KCNH1: variants seen among roughly 807,000 people sequenced by gnomAD.
KCNH1 encodes the protein potassium voltage-gated channel subfamily H member 1, also known as voltage-gated delayed rectifier potassium channel KCNH1.
In KCNH1, 27 loss-of-function variants were observed where a neutral mutation model predicts 69.2. That is an observed-to-expected ratio of 0.39 (90% CI 0.29 to 0.54). The LOEUF (loss-of-function observed/expected upper bound fraction) is 0.54, where lower values mean the gene tolerates loss of function less well. KCNH1 is among the 20% of genes least tolerant of loss of function. The pLI, the probability that KCNH1 is intolerant of heterozygous loss-of-function variation, is 0.68. For synonymous variants in KCNH1, 456 were observed against 487.7 expected (o/e 0.93, Z 0.86); for missense variants, 798 against 1,261.6 (o/e 0.63, Z 5.57).
rs1416982041 is a variant in KCNH1, at chr1:210,880,925, C to T, written c.1462+38715G>A. 2.0e-5 allele frequency among the ~76,000 whole-genome samples: 3 copies of T among 151,976 alleles called. No homozygotes were observed. The East Asian group carries it at 5.8e-4, about 29-fold the overall frequency. On this transcript the variant is annotated intron_variant, in intron 7 of 10. Transcript: ENST00000271751. The stretch of plus-strand genomic sequence containing the variant: ...AAAATGGGCCATACTTAATAGAGAC[C>T]TTATGAAGGACAATAAACAGATGGT...
intron 1 of KCNH1, among the ~76,000 whole-genome samples, chr1:211,126,103 G>A (rs1208341910): frequency 6.6e-6 from 1 of 152,212 alleles, no homozygotes; most frequent in African/African-American, 2.4e-5. Flanking sequence ...AGTGGCTCAC[G>A]CCTGTAATCC....
chr1:210,748,276 C>A (rs1683206800), intron 10 of KCNH1, among the ~76,000 whole-genome samples: 1 of 152,150 alleles, frequency 6.6e-6, no homozygotes, highest in African/African-American at 2.4e-5. Context: ...CCCCTTGATG[C>A]CCAACCCTGA....
chr1:211,114,956 G>A (rs904911447), intron 1 of KCNH1, among the ~76,000 whole-genome samples: 6 of 151,832 alleles, frequency 4.0e-5, no homozygotes, highest in Admixed American at 3.3e-4. Flanking sequence ...TTGGTTTTTT[G>A]TTTGTTTGTT....
rs968355200 is a variant in KCNH1, at chr1:211,133,419, T to G, written c.79+448A>C. 1 of 152,726 alleles carries G rather than the reference T, an allele frequency of 6.5e-6. No homozygotes were observed. Among genetic ancestry groups the G allele is most frequent in the Admixed American group, 6.5e-5 (1 of 15,286 alleles). The allele number at this position is 152,726 out of a possible 1,614,324, so 9.5% of individuals were successfully genotyped here. ...CTCCCATTCTGAGGCAGCGGGGACCTGGAGTTGCCCGTCTCTACTGCTGGC... is the reference window on the plus strand; with the variant it reads ...CTCCCATTCTGAGGCAGCGGGGACCGGGAGTTGCCCGTCTCTACTGCTGGC... On this transcript the variant is annotated intron_variant, in intron 1 of 10. Transcript: ENST00000271751. This position sits in a 1 kb window ranked among gnomAD's most constrained non-coding sequence, Gnocchi z 5.4.
intron 7 of KCNH1, among the ~76,000 whole-genome samples, chr1:210,917,505 C>A (rs185916899): frequency 7.3e-4 from 111 of 152,198 alleles, no homozygotes; most frequent in South Asian, 2.5e-3. Context: ...AACAAAAAAA[C>A]CCCCAACTAC....
chr1:210,981,103 G>T (rs976069547), intron 6 of KCNH1, among the ~76,000 whole-genome samples: 5 of 151,980 alleles, frequency 3.3e-5, no homozygotes, highest in African/African-American at 1.2e-4. Context: ...TCATGAAAGG[G>T]GATAACATGC....
At chr1:210,686,463 CTCTA>C (rs1316161124) in intron 10 of KCNH1, among the ~76,000 whole-genome samples, 18 of 152,190 alleles carry the variant, frequency 1.2e-4, no homozygotes, top group Non-Finnish European at 2.4e-4. Flanking sequence ...CCTAGTTACT[CTCTA>C]TCTTTTATCT....
chr1:210,922,681 T>C (rs541534190), intron 6 of KCNH1, among the ~76,000 whole-genome samples: 1 of 152,226 alleles, frequency 6.6e-6, no homozygotes, highest in East Asian at 1.9e-4. Context: ...AAATCCCTTA[T>C]ACTAAGGTAC....
intron 7 of KCNH1, among the ~76,000 whole-genome samples, chr1:210,832,907 C>CATAT (rs367619819): frequency 0.036 from 3,983 of 110,620 alleles, 193 homozygotes; most frequent in African/African-American, 0.11. Context: ...TTCTCAAATA[C>CATAT]ATATATATAT....
intron 7 of KCNH1, among the ~76,000 whole-genome samples, chr1:210,809,937 T>C (rs1343549759): frequency 6.6e-6 from 1 of 152,198 alleles, no homozygotes; most frequent in African/African-American, 2.4e-5. Flanking sequence ...AAGGTCTGTT[T>C]AGTCAGTGAA....
At chr1:210,960,146 T>C (rs1420279021) in intron 6 of KCNH1, among the ~76,000 whole-genome samples, 1 of 152,218 alleles carries the variant, frequency 6.6e-6, no homozygotes, top group Non-Finnish European at 1.5e-5. Flanking sequence ...GAAATGTATA[T>C]GTCACATAAA....
chr1:211,020,944 A>AC (rs1482679277), intron 5 of KCNH1, among the ~76,000 whole-genome samples: 1 of 71,790 alleles, frequency 1.4e-5, no homozygotes, highest in East Asian at 4.1e-4. Flanking sequence ...TCCTTTCATG[A>AC]TAAAAAAAAC....
intron 10 of KCNH1, among the ~76,000 whole-genome samples, chr1:210,710,929 A>G (rs1682059220): frequency 6.6e-6 from 1 of 152,210 alleles, no homozygotes; most frequent in Non-Finnish European, 1.5e-5. Flanking sequence ...CACAAGGCCC[A>G]TGCCCTTTGC....
At chr1:211,015,798 A>G (rs1000889594) in intron 6 of KCNH1, among the ~76,000 whole-genome samples, 1 of 152,206 alleles carries the variant, frequency 6.6e-6, no homozygotes, top group Non-Finnish European at 1.5e-5. Context: ...AGGTGATACC[A>G]AGAGAACTAA....
chr1:210,685,105 C>T (rs1681380752), intron 10 of KCNH1, among the ~76,000 whole-genome samples: 1 of 152,172 alleles, frequency 6.6e-6, no homozygotes, highest in African/African-American at 2.4e-5. Context: ...GAATTTGGCC[C>T]TGAGTGCAGC....
At chr1:210,952,841 A>C (rs1396649828) in intron 6 of KCNH1, among the ~76,000 whole-genome samples, 1 of 152,210 alleles carries the variant, frequency 6.6e-6, no homozygotes, top group South Asian at 2.1e-4. Context: ...TATCATGAGA[A>C]TATTATTGGT....
At chr1:211,056,075 A>G (rs1690298383) in intron 5 of KCNH1, among the ~76,000 whole-genome samples, 1 of 152,196 alleles carries the variant, frequency 6.6e-6, no homozygotes. Context: ...CAGTTTGGGT[A>G]CCAGCTCAGT....
intron 1 of KCNH1, among the ~76,000 whole-genome samples, chr1:211,115,700 C>CATATATATATATATATATATAT (rs1558611335): frequency 1.9e-5 from 1 of 53,930 alleles, no homozygotes; most frequent in Non-Finnish European, 4.0e-5. Flanking sequence ...AATAAACTCC[C>CATATATATATATATATATATAT]CTATATATAT....
intron 6 of KCNH1, among the ~76,000 whole-genome samples, chr1:210,949,103 T>A (rs1162401508): frequency 6.6e-6 from 1 of 152,146 alleles, no homozygotes; most frequent in Non-Finnish European, 1.5e-5. Context: ...AATTTTTTTA[T>A]TATAATTTTC....
Sources: gnomAD v4.1 joint callset for allele counts (sites outside exome capture counted in the v4.1 genomes callset) on GRCh38, gnomAD v4.1.1 for gene constraint, Gnocchi (gnomAD v3.1) non-coding constraint, MANE v1.5 for transcripts, NCBI Gene and HGNC (gene_info 2026-07-23, HGNC 2026-07-21) for gene names.